Variants in TTC27 observed in about 807,000 individuals in gnomAD.
TTC27 encodes tetratricopeptide repeat protein 27.
A neutral mutation model predicts 115.9 loss-of-function variants in TTC27; 79 were observed. The observed-to-expected ratio is 0.68, with a 90% CI of 0.57 to 0.82. The LOEUF is 0.82. Ranked by LOEUF, TTC27 falls within the 40% of genes least tolerant of loss-of-function variation. The pLI is 0.00. For synonymous variants in TTC27, 401 were observed against 356.0 expected (o/e 1.13, Z -1.42); for missense variants, 1,054 against 993.1 (o/e 1.06, Z -0.82).
At chr2:32,731,523 G>A (rs1025540917) in intron 10 of TTC27, among the ~76,000 whole-genome samples, 70 of 152,138 alleles carry the variant, frequency 4.6e-4, no homozygotes, top group African/African-American at 1.6e-3. Context: ...CCATGGGCAC[G>A]TGCCACCAAC....
intron 16 of TTC27, among the ~76,000 whole-genome samples, chr2:32,794,277 T>C (rs1160996100): frequency 1.3e-5 from 2 of 151,946 alleles, no homozygotes; most frequent in Non-Finnish European, 2.9e-5. Context: ...CAGGATGAAA[T>C]TACAAATCAA....
At chr2:32,694,541 T>TA (rs576576184) in intron 9 of TTC27, among the ~76,000 whole-genome samples, 4 of 151,956 alleles carry the variant, frequency 2.6e-5, no homozygotes, top group African/African-American at 9.6e-5. Flanking sequence ...CCATCTCTAT[T>TA]AAAAAAAATA....
At chr2:32,817,126 A>G (rs1671524985) in intron 18 of TTC27, among the ~76,000 whole-genome samples, 1 of 152,050 alleles carries the variant, frequency 6.6e-6, no homozygotes. Context: ...GCCAGGTGCA[A>G]TGGCTGACAC....
At chr2:32,797,157 G>C (rs1670729797) in intron 16 of TTC27, among the ~76,000 whole-genome samples, 1 of 132,736 alleles carries the variant, frequency 7.5e-6, no homozygotes, top group Non-Finnish European at 1.5e-5. Flanking sequence ...CTGGGAGACA[G>C]AGTGAAACTC....
intron 4 of TTC27, among the ~76,000 whole-genome samples, chr2:32,649,401 G>A (rs1190481188): frequency 1.3e-5 from 2 of 151,764 alleles, no homozygotes; most frequent in Non-Finnish European, 3.0e-5. Flanking sequence ...AGTGGAATGT[G>A]TTTGCAAGGG....
chr2:32,695,709 G>T (rs1274307317), intron 9 of TTC27, among the ~76,000 whole-genome samples: 1 of 106,226 alleles, frequency 9.4e-6, no homozygotes, highest in African/African-American at 3.6e-5. Context: ...ACAGAGCAAG[G>T]CTCTATCTCA....
At chr2:32,809,909 G>A (rs1457999088) in intron 16 of TTC27, among the ~76,000 whole-genome samples, 1 of 152,142 alleles carries the variant, frequency 6.6e-6, no homozygotes, top group Non-Finnish European at 1.5e-5. Flanking sequence ...ACGAGGTCAG[G>A]AGTTCAAGAC....
At chr2:32,684,425 A>T (rs1666559976) in intron 9 of TTC27, among the ~76,000 whole-genome samples, 1 of 152,082 alleles carries the variant, frequency 6.6e-6, no homozygotes, top group Non-Finnish European at 1.5e-5. Context: ...AATAATAATA[A>T]ATTTAAAAAA....
chr2:32,698,384 A>G (rs1407422351), intron 9 of TTC27, among the ~76,000 whole-genome samples: 2 of 151,810 alleles, frequency 1.3e-5, no homozygotes, highest in African/African-American at 4.8e-5. Context: ...CTCCCACTTC[A>G]GCCTCCCGAA....
At chr2:32,773,698 C>G (rs984659349) in intron 13 of TTC27, among the ~76,000 whole-genome samples, 2 of 152,176 alleles carry the variant, frequency 1.3e-5, no homozygotes, top group African/African-American at 4.8e-5. Flanking sequence ...GTGGAAAGCT[C>G]ATGGTGTCAG....
intron 10 of TTC27, among the ~76,000 whole-genome samples, chr2:32,709,167 C>G (rs1411281109): frequency 6.6e-6 from 1 of 152,152 alleles, no homozygotes; most frequent in East Asian, 1.9e-4. Context: ...ATCTTCCTTA[C>G]AGTAGAATTC....
intron 14 of TTC27, among the ~76,000 whole-genome samples, chr2:32,780,873 C>T (rs1268609123): frequency 2.0e-5 from 3 of 147,800 alleles, no homozygotes; most frequent in South Asian, 2.1e-4. Context: ...TTGTGGACTC[C>T]TTAAAATGTT....
intron 6 of TTC27, among the ~76,000 whole-genome samples, chr2:32,665,106 C>G (rs989367979): frequency 6.6e-6 from 1 of 152,060 alleles, no homozygotes; most frequent in Non-Finnish European, 1.5e-5. Flanking sequence ...CTTGGCCTCC[C>G]GAAGTGCTGG....
At chr2:32,766,880 G>A (rs1445911256) in intron 13 of TTC27, among the ~76,000 whole-genome samples, 1 of 152,084 alleles carries the variant, frequency 6.6e-6, no homozygotes, top group East Asian at 1.9e-4. Context: ...TCATCTCCCG[G>A]GTTCAAGCAA....
intron 4 of TTC27, among the ~76,000 whole-genome samples, chr2:32,645,672 T>C (rs1457156542): frequency 6.6e-6 from 1 of 152,138 alleles, no homozygotes; most frequent in African/African-American, 2.4e-5. Context: ...TAGCATTAGA[T>C]ATATCTCCTA....
intron 15 of TTC27, among the ~76,000 whole-genome samples, chr2:32,783,819 G>A (rs1670260009): frequency 6.6e-6 from 1 of 152,222 alleles, no homozygotes; most frequent in Non-Finnish European, 1.5e-5. Context: ...GACTGCTGTT[G>A]CCAGAACTCT....
chr2:32,701,723 ATACT>A (rs1332166832), intron 9 of TTC27, among the ~76,000 whole-genome samples: 9 of 152,306 alleles, frequency 5.9e-5, no homozygotes, highest in African/African-American at 1.4e-4. Flanking sequence ...TAAAAGACAA[ATACT>A]TACTTTATCT....
chr2:32,704,038 G>A (rs887033743), intron 10 of TTC27, among the ~76,000 whole-genome samples: 1 of 152,168 alleles, frequency 6.6e-6, no homozygotes, highest in African/African-American at 2.4e-5. Context: ...TTTTATAAGG[G>A]CCAAAGTCCT....
chr2:32,674,504 G>A (rs1269691243), intron 8 of TTC27, among the ~76,000 whole-genome samples: 2 of 151,992 alleles, frequency 1.3e-5, no homozygotes, highest in East Asian at 1.9e-4. Context: ...TCACCTTATA[G>A]CATTTTACTT....
Sources: gnomAD v4.1 joint callset for allele counts (sites outside exome capture counted in the v4.1 genomes callset) on GRCh38, gnomAD v4.1.1 for gene constraint, MANE v1.5 for transcripts, NCBI Gene and HGNC (gene_info 2026-07-23, HGNC 2026-07-21) for gene names.